RARB: variants seen among roughly 807,000 people sequenced by gnomAD.
RARB encodes retinoic acid receptor beta.
A neutral mutation model predicts 51.9 loss-of-function variants in RARB; 17 were observed. That is an observed-to-expected ratio of 0.33 (90% CI 0.22 to 0.49). The LOEUF is 0.49. Ranked by LOEUF, RARB falls within the 20% of genes least tolerant of loss-of-function variation. The pLI is 0.99. For synonymous variants in RARB, 215 were observed against 195.4 expected (o/e 1.10, Z -0.84); for missense variants, 369 against 550.8 (o/e 0.67, Z 3.30).
chr3:25,563,156 G>A (rs192614592), intron 3 of RARB, among the ~76,000 whole-genome samples: 129 of 152,246 alleles, frequency 8.5e-4, no homozygotes, highest in African/African-American at 3.1e-3. Context: ...CTTAGACTTC[G>A]AGGTTGTAGG....
Position 25,251,962 on chromosome 3 carries a change from G to GT in RARB, c.178+77394dup, listed in dbSNP as rs556713765. On this transcript the variant is annotated intron_variant, in intron 5 of 11. Coordinates refer to the RARB transcript ENST00000383772. ...AAAAGTCACAGAAATTTATGCCTGT[G>GT]TTTTTTTCTAACAGTTTTCTAGTTT... is the stretch of plus-strand genomic sequence containing the variant. 5.2e-4 allele frequency among the ~76,000 whole-genome samples: 79 copies of GT among 151,954 alleles called. No individual in the cohort carries two copies. In the South Asian group the frequency reaches 7.9e-3, roughly 15 times the overall value.
In RARB at chr3:24,897,910, T is replaced by C. The variant is rs116111986; in HGVS notation, c.-380+39158T>C. Among the ~76,000 whole-genome samples, 840 of 152,322 alleles carry C rather than the reference T, an allele frequency of 5.5e-3. 8 individuals are homozygous for C. The highest frequency in any genetic ancestry group is 0.019 in the African/African-American group (794 of 41,582). ...GCCAAATACAGTCATCCAAAACTTA[T>C]TCACTATGGAACCTTTTTATTTTCC... On this transcript the variant is annotated intron_variant, in intron 2 of 11. Transcript: ENST00000383772.
intron 2 of RARB, among the ~76,000 whole-genome samples, chr3:24,864,654 C>A (rs1302915022): frequency 6.6e-6 from 1 of 152,134 alleles, no homozygotes; most frequent in Non-Finnish European, 1.5e-5. Context: ...CTGGTAGGCC[C>A]AAATCCAGGC....
At chr3:25,421,403 CTTTTT>C (rs766378555) in intron 5 of RARB, among the ~76,000 whole-genome samples, 2 of 72,364 alleles carry the variant, frequency 2.8e-5, no homozygotes, top group African/African-American at 1.3e-4. Flanking sequence ...TTCTTCTTTT[CTTTTT>C]TTTTTTTTTT....
intron 4 of RARB, among the ~76,000 whole-genome samples, chr3:25,135,167 G>A (rs1253026488): frequency 2.0e-5 from 3 of 151,574 alleles, no homozygotes; most frequent in Admixed American, 6.6e-5. Context: ...TCGATCCATC[G>A]ATAGAGTAGC....
At chr3:24,962,688 C>A (rs1038369918) in intron 2 of RARB, among the ~76,000 whole-genome samples, 2 of 152,114 alleles carry the variant, frequency 1.3e-5, no homozygotes, top group African/African-American at 4.8e-5. Context: ...GGTTGCATGT[C>A]CTTATGAGAA....
intron 5 of RARB, among the ~76,000 whole-genome samples, chr3:25,305,439 C>G (rs1704131391): frequency 6.6e-6 from 1 of 152,138 alleles, no homozygotes; most frequent in Non-Finnish European, 1.5e-5. Context: ...ACCCAAAAGG[C>G]AAAAACCACA....
chr3:25,199,807 C>G (rs181117254), intron 5 of RARB, among the ~76,000 whole-genome samples: 3 of 151,962 alleles, frequency 2.0e-5, no homozygotes, highest in Admixed American at 6.6e-5. Context: ...AGTATTCCAC[C>G]GTGTATATGT....
chr3:25,579,799 A>G (rs1701093065), intron 4 of RARB, among the ~76,000 whole-genome samples: 1 of 152,190 alleles, frequency 6.6e-6, no homozygotes, highest in Admixed American at 6.5e-5. Context: ...TCCTGAGGTT[A>G]TCTAGAGTCT....
At chr3:25,081,586 CATATATATATATATATATAT>C (rs1161956011) in intron 3 of RARB, among the ~76,000 whole-genome samples, 12 of 19,638 alleles carry the variant, frequency 6.1e-4, no homozygotes, top group South Asian at 6.2e-3. Context: ...GCTTCATATA[CATATATATATATATATATAT>C]ATATATATAT....
At chr3:25,027,282 A>T (rs937583338) in intron 2 of RARB, among the ~76,000 whole-genome samples, 1 of 152,166 alleles carries the variant, frequency 6.6e-6, no homozygotes, top group African/African-American at 2.4e-5. Flanking sequence ...GGGGCAGCAA[A>T]TTAGGCATAG....
chr3:24,885,614 C>T (rs371835618), intron 2 of RARB, among the ~76,000 whole-genome samples: 1 of 152,008 alleles, frequency 6.6e-6, no homozygotes, highest in African/African-American at 2.4e-5. Flanking sequence ...TGAAGAATAC[C>T]TGGGAAGAAA....
intron 2 of RARB, among the ~76,000 whole-genome samples, chr3:24,973,492 C>A (rs913417198): frequency 1.1e-4 from 17 of 151,772 alleles, no homozygotes; most frequent in Non-Finnish European, 2.5e-4. Flanking sequence ...TTTTTTGTTT[C>A]TATGGAGAAT....
chr3:25,457,819 T>G (rs1694992459), intron 1 of RARB, among the ~76,000 whole-genome samples: 2 of 152,204 alleles, frequency 1.3e-5, no homozygotes. Context: ...TTTACAACTT[T>G]CCTAGACAGG....
chr3:25,316,715 C>T (rs1312417325), intron 5 of RARB, among the ~76,000 whole-genome samples: 2 of 152,106 alleles, frequency 1.3e-5, no homozygotes, highest in Non-Finnish European at 2.9e-5. Context: ...AAAGACGTAG[C>T]AGTATAGACT....
At chr3:24,917,132 T>A (rs1695123845) in intron 2 of RARB, among the ~76,000 whole-genome samples, 1 of 152,210 alleles carries the variant, frequency 6.6e-6, no homozygotes, top group South Asian at 2.1e-4. Context: ...GGGGTATGAA[T>A]TATTTGTGAA....
intron 3 of RARB, among the ~76,000 whole-genome samples, chr3:25,526,944 A>C (rs1055601415): frequency 3.2e-4 from 48 of 152,310 alleles, no homozygotes; most frequent in African/African-American, 1.1e-3. Context: ...TAAGCATGCA[A>C]CTGGAAGCAG....
chr3:25,561,171 T>C (rs7610831), intron 3 of RARB, among the ~76,000 whole-genome samples: 57,757 of 152,000 alleles, frequency 0.38, 11,420 homozygotes, highest in African/African-American at 0.51. Context: ...TTCTTTCATA[T>C]TATTTAAGAC....
At position 24,839,791 on chromosome 3, in the gene RARB, C is replaced by A. The variant is rs139557540; in HGVS notation, c.-459+10388C>A. ...ATCCAGATTGTCACAAAATTATACTCGTGTTTAGAACTAGGGAGAGAATAT... is the reference window on the plus strand; with the variant it reads ...ATCCAGATTGTCACAAAATTATACTAGTGTTTAGAACTAGGGAGAGAATAT... On this transcript the variant is annotated intron_variant, in intron 1 of 11. Transcript: ENST00000383772. Among the ~76,000 whole-genome samples the A allele has an allele frequency of 5.4e-3, 821 of 150,740 alleles. 4 individuals carry two copies. Among genetic ancestry groups the A allele is most frequent in the Non-Finnish European group, 8.2e-3 (557 of 67,760 alleles).
Sources: allele counts gnomAD v4.1 joint callset (sites outside exome capture counted in the v4.1 genomes callset), GRCh38; gene constraint gnomAD v4.1.1; transcripts MANE v1.5; gene names NCBI Gene and HGNC (gene_info 2026-07-23, HGNC 2026-07-21).